DYNLT2: variants seen among roughly 807,000 people sequenced by gnomAD.
DYNLT2 encodes dynein light chain Tctex-type 2.
A neutral mutation model predicts 24.3 loss-of-function variants in DYNLT2; 24 were observed. The ratio of observed to expected loss-of-function variants is 0.99; its 90% CI spans 0.71 to 1.39. The LOEUF is 1.39. Among genes scored for constraint, DYNLT2 ranks in the 40% most tolerant of loss-of-function variants. DYNLT2 has a pLI of 0.00. For missense variants in DYNLT2, 246 were observed against 234.5 expected (o/e 1.05, Z -0.32); for synonymous variants, 85 against 85.4 (o/e 1.00, Z 0.03).
In DYNLT2 at chr6:169,740,943, G is replaced by A. The variant is rs558772282; in HGVS notation, c.487-648C>T. Among the ~76,000 whole-genome samples the A allele has an allele frequency of 3.8e-3, 575 of 151,946 alleles. 4 individuals carry two copies. Among genetic ancestry groups the A allele is most frequent in the African/African-American group, 0.013 (544 of 41,428 alleles). On this transcript the variant is annotated intron_variant, in intron 3 of 3. Coordinates refer to ENST00000366774, the MANE Select transcript of DYNLT2 (RefSeq NM_174910.3). ...CCTGCCTCAGCCTCCTGAGTAGCTG[G>A]GATTACAGGTGCCTGCCACCACATC...
At chr6:169,741,148 T>C (rs1789670163) in intron 3 of DYNLT2, among the ~76,000 whole-genome samples, 1 of 152,216 alleles carries the variant, frequency 6.6e-6, no homozygotes. Flanking sequence ...TATTAGGAAG[T>C]TGACTTTATG....
chr6:169,725,395 C>T, the DYNLT2 span: 1 of 398,106 alleles, frequency 2.5e-6, no homozygotes, highest in Non-Finnish European at 4.4e-6. Flanking sequence ...GACGTTAACA[C>T]GCTCAGTCCA....
At chr6:169,726,707 TAAC>T in the DYNLT2 span, among the ~76,000 whole-genome samples, 147 of 152,318 alleles carry the variant, frequency 9.7e-4, no homozygotes, top group African/African-American at 3.2e-3. Context: ...ATTTGTATGA[TAAC>T]AATAATGTCC....
chr6:169,731,652 A>C, the DYNLT2 span, among the ~76,000 whole-genome samples: 1 of 152,200 alleles, frequency 6.6e-6, no homozygotes, highest in Non-Finnish European at 1.5e-5. Flanking sequence ...TGAACAAAAA[A>C]ATAATAAATG....
chr6:169,732,799 C>T, the DYNLT2 span, among the ~76,000 whole-genome samples: 4 of 152,120 alleles, frequency 2.6e-5, no homozygotes, highest in Non-Finnish European at 5.9e-5. Context: ...GGTATATACC[C>T]AGTAATGGAA....
chr6:169,725,470 C>G, the DYNLT2 span: 2 of 397,064 alleles, frequency 5.0e-6, no homozygotes, highest in African/African-American at 4.1e-5. Flanking sequence ...CAAGCCGATC[C>G]TAATCCAGCT....
At chr6:169,728,361 G>C in the DYNLT2 span, among the ~76,000 whole-genome samples, 1 of 152,206 alleles carries the variant, frequency 6.6e-6, no homozygotes, top group African/African-American at 2.4e-5. Context: ...GACAGGAAAT[G>C]ATTGCATGAG....
At chr6:169,736,641 C>T (rs182879106), downstream of DYNLT2, among the ~76,000 whole-genome samples, 1 of 152,268 alleles carries the variant, frequency 6.6e-6, no homozygotes, top group East Asian at 1.9e-4. Context: ...GAATATTGAC[C>T]CTCAATCTCT....
Position 169,740,109 on chromosome 6 carries a change from T to C in DYNLT2, c.*76A>G. ...AGAATATAGCAAATCAGAAATATTA[T>C]GAGGTTTACAAATATGTAAATTTCA... is the stretch of plus-strand genomic sequence containing the variant. On this transcript the variant is annotated 3_prime_UTR_variant, in exon 4 of 4. Transcript: ENST00000366774. 1 of 936,330 alleles carries C rather than the reference T, an allele frequency of 1.1e-6. No homozygotes were observed. The highest frequency in any genetic ancestry group is 1.7e-6 in the Non-Finnish European group (1 of 594,880). 58.0% of individuals were successfully genotyped at this position (936,330 alleles called of 1,614,324 possible).
downstream of DYNLT2, among the ~76,000 whole-genome samples, chr6:169,737,780 C>T (rs1009724237): frequency 7.2e-5 from 11 of 152,274 alleles, no homozygotes; most frequent in South Asian, 1.0e-3. Flanking sequence ...TGGAGGGTCT[C>T]ACCCAGTTGG....
At chr6:169,744,987 A>G (rs1436984801) in intron 1 of DYNLT2, among the ~76,000 whole-genome samples, 2 of 152,178 alleles carry the variant, frequency 1.3e-5, no homozygotes, top group Non-Finnish European at 2.9e-5. Context: ...TTCCAGCTCT[A>G]TGTTGAAAAG....
the DYNLT2 span, among the ~76,000 whole-genome samples, chr6:169,731,562 G>C: frequency 1.3e-5 from 2 of 152,294 alleles, no homozygotes; most frequent in African/African-American, 2.4e-5. Flanking sequence ...AGTGAAGTCA[G>C]GGGACTTGTC....
the DYNLT2 span, chr6:169,725,624 A>C: frequency 5.0e-5 from 14 of 280,054 alleles, no homozygotes; most frequent in African/African-American, 3.1e-4. Context: ...ATCAGGGTAG[A>C]GTTTAGCGGT....
chr6:169,740,760 T>C lies in DYNLT2; in HGVS notation c.487-465A>G, dbSNP rs183528838. Among the ~76,000 whole-genome samples the C allele has an allele frequency of 4.3e-3, 661 of 152,204 alleles. 6 individuals carry two copies. The highest frequency in any genetic ancestry group is 0.015 in the African/African-American group (632 of 41,524). On this transcript the variant is annotated intron_variant, in intron 3 of 3. Transcript: ENST00000366774. ...CCTTTTCTCTGTGTACAAACCCATA[T>C]GTGATCTGATTCCAGCCCACTTCTT...
the DYNLT2 span, among the ~76,000 whole-genome samples, chr6:169,726,756 TTAAC>T: frequency 6.6e-6 from 1 of 152,240 alleles, no homozygotes; most frequent in African/African-American, 2.4e-5. Context: ...AAGCCAAGTA[TTAAC>T]TAAGAACTAT....
Position 169,743,114 on chromosome 6 carries a change from A to T in DYNLT2, c.452T>A (p.Val151Glu). 6.3e-7 allele frequency: 1 copy of T among 1,575,794 alleles called. No individual in the cohort carries two copies. The highest frequency in any genetic ancestry group is 8.7e-7 in the Non-Finnish European group (1 of 1,155,720). Residue 151 changes from valine to glutamate, a missense_variant, in exon 3 of 4, where the codon GTA (valine) becomes GAA (glutamate). Transcript: ENST00000366774. ...TTGGCCAGTCTTTTGAATAAATAAT[A>T]CTTTTATAATGAACTTATAACGGTG... Reference protein sequence around the residue: ...GYHRYKFIIKVLFIQKTGQAI... With the variant: ...GYHRYKFIIKELFIQKTGQAI...
At chr6:169,732,084 A>AT in the DYNLT2 span, among the ~76,000 whole-genome samples, 2 of 152,224 alleles carry the variant, frequency 1.3e-5, no homozygotes, top group East Asian at 3.9e-4. Context: ...GTTATTACTA[A>AT]TTTTTTCTGT....
At chr6:169,747,929 G>C (rs974268836) in intron 1 of DYNLT2, among the ~76,000 whole-genome samples, 11 of 152,114 alleles carry the variant, frequency 7.2e-5, no homozygotes, top group African/African-American at 2.4e-4. Context: ...AAGACATTTG[G>C]AAACAGTTTA....
At chr6:169,734,737 C>CT in the DYNLT2 span, among the ~76,000 whole-genome samples, 1 of 152,078 alleles carries the variant, frequency 6.6e-6, no homozygotes, top group African/African-American at 2.4e-5. Context: ...GGATATTGGC[C>CT]TGAAGTTTTC....
Sources: allele counts gnomAD v4.1 joint callset (sites outside exome capture counted in the v4.1 genomes callset), GRCh38; gene constraint gnomAD v4.1.1; transcripts MANE v1.5; gene names NCBI Gene and HGNC (gene_info 2026-07-23, HGNC 2026-07-21).